IPO7: variants seen among roughly 807,000 people sequenced by gnomAD.
IPO7 encodes the protein importin 7.
Under a neutral mutation model 136.4 loss-of-function variants are expected in IPO7, and 13 were observed. That is an observed-to-expected ratio of 0.10 (90% confidence interval 0.06 to 0.15). The LOEUF (loss-of-function observed/expected upper bound fraction) is 0.15, where lower values mean the gene tolerates loss of function less well. Among genes scored for constraint, IPO7 ranks in the 10% least tolerant of loss-of-function variants. IPO7 has a pLI of 1.00. For missense variants in IPO7, 857 were observed against 1,240.6 expected (o/e 0.69, Z 4.65); for synonymous variants, 403 against 404.4 (o/e 1.00, Z 0.04).
intron 18 of IPO7, 148 bp from the exon 19 acceptor site, chr11:9,434,782 AGAGT>A: frequency 3.1e-6 from 2 of 650,944 alleles, no homozygotes; most frequent in South Asian, 1.7e-5. Flanking sequence ...CCTGAGCAAC[AGAGT>A]GAGAGTGTCC....
chr11:9,433,892 AT>A, intron 18 of IPO7, 46 bp downstream of exon 18: 1 of 1,471,344 alleles, frequency 6.8e-7, no homozygotes. Flanking sequence ...CCCTGCTTTG[AT>A]TTATTTGTAG....
intron 18 of IPO7, among the ~76,000 whole-genome samples, chr11:9,434,454 T>C (rs1194773836): frequency 6.6e-6 from 1 of 152,178 alleles, no homozygotes; most frequent in Non-Finnish European, 1.5e-5. Context: ...GAAAATCACT[T>C]TAATAATAGG....
In IPO7 at chr11:9,420,915, A is replaced by T. The variant is rs186683814; in HGVS notation, c.906+217A>T. On this transcript the variant is annotated intron_variant, in intron 8 of 24. Transcript: ENST00000379719. ...AGTTATACCTAGTAATATTTATCAT[A>T]TTAGAAATTAGAGTAAACAGTTCAT... 2.6e-3 allele frequency among the ~76,000 whole-genome samples: 400 copies of T among 152,290 alleles called. 1 individual carries two copies. The highest frequency in any genetic ancestry group is 9.3e-3 in the African/African-American group (386 of 41,570).
chr11:9,422,941 C>A, intron 8 of IPO7, 65 bp from the exon 9 acceptor site: 4 of 986,236 alleles, frequency 4.1e-6, no homozygotes, highest in Non-Finnish European at 4.4e-6. Context: ...ACTGTTTTTA[C>A]TGGCTTGTAA....
chr11:9,411,612 T>G (rs1441373277), intron 4 of IPO7, among the ~76,000 whole-genome samples: 1 of 152,178 alleles, frequency 6.6e-6, no homozygotes, highest in Non-Finnish European at 1.5e-5. Flanking sequence ...GAAATTTGGA[T>G]GTGATCTTTT....
intron 1 of IPO7, among the ~76,000 whole-genome samples, chr11:9,397,341 A>AAATATATATATAT: frequency 5.6e-4 from 6 of 10,762 alleles, no homozygotes; most frequent in Admixed American, 2.1e-3. Flanking sequence ...TTTAAAAAAA[A>AAATATATATATAT]ATATATATAT....
chr11:9,397,365 T>TATATATATATATATATATA (rs1564992067), intron 1 of IPO7, among the ~76,000 whole-genome samples: 28 of 94,724 alleles, frequency 3.0e-4, no homozygotes, highest in East Asian at 3.9e-4. Context: ...TATATATATA[T>TATATATATATATATATATA]TAGTCGGGCA....
intron 2 of IPO7, among the ~76,000 whole-genome samples, chr11:9,407,478 T>C (rs975822699): frequency 6.6e-6 from 1 of 152,002 alleles, no homozygotes; most frequent in Non-Finnish European, 1.5e-5. Context: ...TCGCTTGAAC[T>C]AGGGAGTCAG....
chr11:9,390,908 T>C (rs1854623496), intron 1 of IPO7, among the ~76,000 whole-genome samples: 1 of 152,084 alleles, frequency 6.6e-6, no homozygotes, highest in Admixed American at 6.6e-5. Context: ...TAGCTGGGAC[T>C]GCAGGCGCCC....
At chr11:9,439,865 G>A (rs772476078) in intron 22 of IPO7, among the ~76,000 whole-genome samples, 5 of 152,296 alleles carry the variant, frequency 3.3e-5, no homozygotes, top group African/African-American at 7.2e-5. Flanking sequence ...GAGCCACCGC[G>A]CCCGGCGAAT....
At position 9,443,663 on chromosome 11, in the gene IPO7, G is replaced by A. The variant is rs148206683; in HGVS notation, c.3020-1434G>A. 8.1e-3 allele frequency among the ~76,000 whole-genome samples: 1,240 copies of A among 152,168 alleles called. 13 individuals are homozygous for A. The highest frequency in any genetic ancestry group is 0.015 in the Non-Finnish European group (1,018 of 67,994). ...CATGCCTGTAATCCCAGCACTTTGG[G>A]AGGCCAAGACAGGAGGGTTGCTTGA... On this transcript the variant is annotated intron_variant, in intron 24 of 24. Transcript: ENST00000379719.
At position 9,434,997 on chromosome 11, in the gene IPO7, A is replaced by G. The variant is rs780518554; in HGVS notation, c.2138A>G (p.Lys713Arg). ...ACAGACACACTTCTGTCTGACACCA[A>G]GTATCTTGAAATGATATACAGTATG... ...VDTDTLLSDT[K>R]YLEMIYSMCK... Residue 713 changes from lysine (K) to arginine (R), a missense_variant, in exon 19 of 25, where the codon AAG (lysine) becomes AGG (arginine). By Grantham distance (26) the Lys-to-Arg change is conservative. Transcript: ENST00000379719. 6 of 1,607,608 alleles carry G rather than the reference A, an allele frequency of 3.7e-6. No homozygotes were observed. In the South Asian group the frequency reaches 6.6e-5, roughly 18 times the overall value.
intron 12 of IPO7, among the ~76,000 whole-genome samples, chr11:9,426,972 G>A (rs1488441978): frequency 6.6e-6 from 1 of 151,282 alleles, no homozygotes; most frequent in Non-Finnish European, 1.5e-5. Flanking sequence ...TCTACCTTCC[G>A]GGTTCAAGTG....
At chr11:9,437,231 A>G (rs542645437) in intron 20 of IPO7, among the ~76,000 whole-genome samples, 101 of 150,674 alleles carry the variant, frequency 6.7e-4, no homozygotes, top group South Asian at 1.9e-3. Flanking sequence ...GATTGATATC[A>G]TCGTGAGCTT....
At chr11:9,402,339 G>C (rs769374778) in intron 1 of IPO7, among the ~76,000 whole-genome samples, 60 of 138,614 alleles carry the variant, frequency 4.3e-4, no homozygotes, top group Non-Finnish European at 3.7e-4. Context: ...GGCAGAGGTT[G>C]CAGTGAGCCG....
chr11:9,409,807 T>C, intron 3 of IPO7, 121 bp from the exon 4 acceptor site: 1 of 677,342 alleles, frequency 1.5e-6, no homozygotes, highest in Admixed American at 3.8e-5. Context: ...TCTGTGTACA[T>C]CTAAAATCAC....
Position 9,437,989 on chromosome 11 carries a change from G to C in IPO7, c.2489+15G>C. 6.3e-7 allele frequency: 1 copy of C among 1,588,280 alleles called. No individual in the cohort carries two copies. The highest frequency in any genetic ancestry group is 8.6e-7 in the Non-Finnish European group (1 of 1,167,068). ...TGTTTCTTGGGGTAAGTGATGTATTGCAATTTTACTACATTTGCTTTGGGA... is the reference window on the plus strand; with the variant it reads ...TGTTTCTTGGGGTAAGTGATGTATTCCAATTTTACTACATTTGCTTTGGGA... On this transcript the variant is annotated intron_variant, in intron 21 of 24. Coordinates refer to ENST00000379719, the MANE Select transcript of IPO7 (RefSeq NM_006391.3).
At chr11:9,401,693 A>G (rs1445194184) in intron 1 of IPO7, among the ~76,000 whole-genome samples, 2 of 152,200 alleles carry the variant, frequency 1.3e-5, no homozygotes, top group Admixed American at 6.5e-5. Context: ...AATGTGGGAA[A>G]TTCTATTGCA....
intron 22 of IPO7, among the ~76,000 whole-genome samples, chr11:9,439,819 T>C (rs1038072637): frequency 6.6e-6 from 1 of 151,948 alleles, no homozygotes; most frequent in Non-Finnish European, 1.5e-5. Context: ...ATGATCTGCC[T>C]GCCTTGGCCT....
Sources: gnomAD v4.1 joint callset for allele counts (sites outside exome capture counted in the v4.1 genomes callset) on GRCh38, gnomAD v4.1.1 for gene constraint, MANE v1.5 for transcripts, NCBI Gene and HGNC (gene_info 2026-07-23, HGNC 2026-07-21) for gene names.